UBE2Z: variants seen among roughly 807,000 people sequenced by gnomAD.
UBE2Z encodes ubiquitin conjugating enzyme E2 Z.
In UBE2Z, 10 loss-of-function variants were observed where a neutral mutation model predicts 32.6. That is an observed-to-expected ratio of 0.31 (90% CI 0.19 to 0.52). The LOEUF (loss-of-function observed/expected upper bound fraction) is 0.52. Among genes scored for constraint, UBE2Z ranks in the 20% least tolerant of loss-of-function variants. UBE2Z has a pLI of 0.97. For missense variants in UBE2Z, 343 were observed against 480.9 expected (o/e 0.71, Z 2.68); for synonymous variants, 183 against 190.8 (o/e 0.96, Z 0.34).
intron 5 of UBE2Z, 47 bp from the exon 6 acceptor site, chr17:48,922,800 C>A: frequency 2.0e-6 from 3 of 1,498,166 alleles, no homozygotes; most frequent in South Asian, 1.2e-5. Context: ...GAAGGGGTGA[C>A]CTGTACCCCT....
intron 4 of UBE2Z, 52 bp from the exon 5 acceptor site, chr17:48,921,108 G>C (rs2040755081): frequency 2.0e-6 from 3 of 1,469,196 alleles, no homozygotes; most frequent in South Asian, 1.2e-5. Context: ...CCTTCCCATT[G>C]GTTTTCTTTT....
At chr17:48,909,199 C>T (rs1353101708) in intron 1 of UBE2Z, among the ~76,000 whole-genome samples, 1 of 151,702 alleles carries the variant, frequency 6.6e-6, no homozygotes, top group African/African-American at 2.4e-5. Flanking sequence ...TTCCCCACCC[C>T]AACCTTGCTA....
chr17:48,912,986 C>G lies in UBE2Z; in HGVS notation c.543C>G (p.Phe181Leu). ...ACACAGTGAGGTTTAACCCCAACTT[C>G]TACCGCAATGGGAAAGTCTGCTTGA... ...GNNTVRFNPNFYRNGKVCLSI... is the reference protein window; with the variant it reads ...GNNTVRFNPNLYRNGKVCLSI... Residue 181 changes from phenylalanine (F) to leucine (L), a missense_variant, in exon 3 of 7, where the codon TTC becomes TTG. Physicochemically the swap from Phe to Leu is conservative, Grantham distance 22. This residue lies in a region of UBE2Z where 182 missense variants were observed against 312.4 expected (regional missense o/e 0.58). Coordinates refer to ENST00000360943, the MANE Select transcript of UBE2Z (RefSeq NM_023079.5). 6.2e-7 allele frequency: 1 copy of G among 1,613,954 alleles called. No homozygotes were observed. The highest frequency in any genetic ancestry group is 8.5e-7 in the Non-Finnish European group (1 of 1,179,878).
chr17:48,911,254 CTA>C (rs2040674871), intron 2 of UBE2Z: 1 of 220,744 alleles, frequency 4.5e-6, no homozygotes, highest in Admixed American at 4.8e-5. Context: ...TTGACATTAA[CTA>C]TGCTATGGTA....
chr17:48,910,683 C>G lies in UBE2Z; in HGVS notation c.318-125C>G, dbSNP rs532242029. 48 of 758,266 alleles carry G rather than the reference C, an allele frequency of 6.3e-5. No homozygotes were observed. The East Asian group carries it at 8.8e-4, about 14-fold the overall frequency. The allele number at this position is 758,266 out of a possible 1,614,324, so 47.0% of individuals were successfully genotyped here. On this transcript the variant is annotated intron_variant, in intron 1 of 6. Transcript: ENST00000360943. ...GCCAACAAGACAGTACAAACACTTGCGGTACCAAGCACCACTTTCTCAAAC... is the reference window on the plus strand; with the variant it reads ...GCCAACAAGACAGTACAAACACTTGGGGTACCAAGCACCACTTTCTCAAAC...
At chr17:48,916,028 C>T in intron 3 of UBE2Z, 48 bp from the exon 4 acceptor site, 1 of 1,363,052 alleles carries the variant, frequency 7.3e-7, no homozygotes, top group Non-Finnish European at 1.0e-6. Flanking sequence ...GTACTTGTTC[C>T]CTATTCTTTC....
At chr17:48,918,181 A>T (rs971837871) in intron 4 of UBE2Z, among the ~76,000 whole-genome samples, 1 of 151,708 alleles carries the variant, frequency 6.6e-6, no homozygotes, top group African/African-American at 2.4e-5. Flanking sequence ...CAGGTGATCC[A>T]CTCGCCTTGG....
intron 6 of UBE2Z, chr17:48,923,162 A>G (rs1303436233): frequency 8.4e-6 from 3 of 357,722 alleles, no homozygotes; most frequent in South Asian, 7.1e-5. Flanking sequence ...TCTACTAAAA[A>G]TACAAAAAAT....
At chr17:48,913,954 C>A (rs1443772537) in intron 3 of UBE2Z, among the ~76,000 whole-genome samples, 1 of 151,964 alleles carries the variant, frequency 6.6e-6, no homozygotes, top group African/African-American at 2.4e-5. Context: ...CCAGGCTGGT[C>A]TTGAATTCTT....
intron 6 of UBE2Z, among the ~76,000 whole-genome samples, chr17:48,923,652 A>G (rs2040778940): frequency 6.6e-6 from 1 of 151,924 alleles, no homozygotes; most frequent in Non-Finnish European, 1.5e-5. Context: ...AACCTATATC[A>G]TTTGAGGGAC....
chr17:48,919,360 T>C (rs2143769483), intron 4 of UBE2Z, among the ~76,000 whole-genome samples: 1 of 152,240 alleles, frequency 6.6e-6, no homozygotes, highest in East Asian at 1.9e-4. Context: ...ACAGGAAAAA[T>C]TAAAGGAGTA....
intron 4 of UBE2Z, among the ~76,000 whole-genome samples, chr17:48,920,070 C>G (rs2040748772): frequency 6.6e-6 from 1 of 151,954 alleles, no homozygotes; most frequent in Admixed American, 6.6e-5. Flanking sequence ...GCCTTGAGTC[C>G]CAGCTACTTG....
At chr17:48,919,238 C>T (rs1414995148) in intron 4 of UBE2Z, among the ~76,000 whole-genome samples, 1 of 152,140 alleles carries the variant, frequency 6.6e-6, no homozygotes, top group Non-Finnish European at 1.5e-5. Context: ...CCTGCCTCGG[C>T]CTCCCAAAGT....
intron 3 of UBE2Z, among the ~76,000 whole-genome samples, chr17:48,914,609 G>T (rs2040706575): frequency 1.3e-5 from 2 of 152,208 alleles, no homozygotes; most frequent in African/African-American, 4.8e-5. Flanking sequence ...CCCTCATTGG[G>T]TCAATATAAA....
chr17:48,923,279 C>T (rs2040775461), intron 6 of UBE2Z, among the ~76,000 whole-genome samples: 2 of 143,560 alleles, frequency 1.4e-5, no homozygotes, highest in African/African-American at 5.3e-5. Context: ...TGAAATTGTG[C>T]CACTGCACTT....
Position 48,916,124 on chromosome 17 carries a change from G to A in UBE2Z, c.627G>A (p.Val209=). Residue 209 remains valine, a synonymous_variant, in exon 4 of 7, where the codon GTG becomes GTA. Coordinates refer to ENST00000360943, the MANE Select transcript of UBE2Z (RefSeq NM_023079.5). ...AWSPAQSISS[V]LISIQSLMTE... ...GCCCAGCCCAGAGCATCTCCTCAGTGCTCATCTCTATCCAGTCCCTGATGA... is the reference window on the plus strand; with the variant it reads ...GCCCAGCCCAGAGCATCTCCTCAGTACTCATCTCTATCCAGTCCCTGATGA... 1 of 1,591,792 alleles carries A rather than the reference G, an allele frequency of 6.3e-7. No individual in the cohort carries two copies. Among genetic ancestry groups the A allele is most frequent in the Non-Finnish European group, 8.5e-7 (1 of 1,170,996 alleles).
chr17:48,921,074 A>G (rs2040754851), intron 4 of UBE2Z, 86 bp from the exon 5 acceptor site: 12 of 1,056,520 alleles, frequency 1.1e-5, no homozygotes, highest in African/African-American at 3.2e-5. Context: ...ACTGGCTGAC[A>G]TACCCCATAC....
At chr17:48,910,532 A>G (rs1176150807) in intron 1 of UBE2Z, 4 of 351,238 alleles carry the variant, frequency 1.1e-5, no homozygotes, top group Non-Finnish European at 2.1e-5. Context: ...TTCCAGGCTG[A>G]CATTTGATGC....
intron 4 of UBE2Z, among the ~76,000 whole-genome samples, chr17:48,920,223 G>T (rs973941974): frequency 2.0e-5 from 3 of 152,018 alleles, no homozygotes; most frequent in African/African-American, 7.2e-5. Flanking sequence ...AGCCGGGTGC[G>T]GTGGCTCATG....
Sources: gnomAD v4.1 joint callset for allele counts (sites outside exome capture counted in the v4.1 genomes callset) on GRCh38, gnomAD v4.1.1 for gene constraint, gnomAD v4.1.1 regional missense constraint, MANE v1.5 for transcripts, NCBI Gene and HGNC (gene_info 2026-07-23, HGNC 2026-07-21) for gene names.